Variants in RIMS1 observed in about 807,000 individuals in gnomAD.
The protein encoded by RIMS1 is regulating synaptic membrane exocytosis 1.
In RIMS1, 83 loss-of-function variants were observed where a neutral mutation model predicts 214.1. That is an observed-to-expected ratio of 0.39 (90% confidence interval 0.32 to 0.47). The LOEUF is 0.47. RIMS1 is among the 20% of genes least tolerant of loss of function. RIMS1 has a pLI of 0.99. For missense variants in RIMS1, 2,050 were observed against 2,161.8 expected (o/e 0.95, Z 1.03); for synonymous variants, 793 against 786.8 (o/e 1.01, Z -0.13).
intron 1 of RIMS1, among the ~76,000 whole-genome samples, chr6:71,910,709 T>A (rs1294463072): frequency 6.6e-6 from 1 of 152,128 alleles, no homozygotes; most frequent in South Asian, 2.1e-4. Context: ...TCTGGCAGAG[T>A]GCACACACAG....
At chr6:72,144,486 G>T (rs528418859) in intron 4 of RIMS1, among the ~76,000 whole-genome samples, 1 of 152,256 alleles carries the variant, frequency 6.6e-6, no homozygotes, top group East Asian at 1.9e-4. Context: ...TTATCAAAAT[G>T]AAAGTAGAGG....
intron 4 of RIMS1, chr6:72,126,650 C>A: frequency 8.0e-6 from 2 of 249,636 alleles, no homozygotes; most frequent in Non-Finnish European, 1.6e-5. Context: ...AGAAGATATA[C>A]AAGTGGCAAA....
In RIMS1 at chr6:72,346,091, A is replaced by G. The variant is rs112017706; in HGVS notation, c.4366+12256A>G. Among the ~76,000 whole-genome samples, 924 of 151,900 alleles carry G rather than the reference A, an allele frequency of 6.1e-3. 12 individuals are homozygous for G. The highest frequency in any genetic ancestry group is 0.021 in the African/African-American group (886 of 41,520). On this transcript the variant is annotated intron_variant, in intron 29 of 33. Coordinates refer to ENST00000521978, the MANE Select transcript of RIMS1 (RefSeq NM_014989.7). Reference sequence around the variant, plus strand: ...TTTGACCCTCCATTTTCGCAACTATAATATGGAACCATAAATGGTACCTAC... The same window carrying G: ...TTTGACCCTCCATTTTCGCAACTATGATATGGAACCATAAATGGTACCTAC...
intron 2 of RIMS1, among the ~76,000 whole-genome samples, chr6:71,989,777 A>G (rs1801036431): frequency 1.3e-5 from 2 of 152,212 alleles, no homozygotes; most frequent in Non-Finnish European, 2.9e-5. Flanking sequence ...GGCCCTCCCT[A>G]TCATGGAATA....
intron 3 of RIMS1, among the ~76,000 whole-genome samples, chr6:72,099,125 A>G (rs2032849403): frequency 6.6e-6 from 1 of 152,242 alleles, no homozygotes; most frequent in South Asian, 2.1e-4. Context: ...AAGCACCCAC[A>G]ACTGTTAAAT....
At chr6:72,256,203 T>G (rs1340336901) in intron 16 of RIMS1, among the ~76,000 whole-genome samples, 1 of 152,044 alleles carries the variant, frequency 6.6e-6, no homozygotes, top group Admixed American at 6.6e-5. Flanking sequence ...AAATGTATAT[T>G]TATTTAAGGT....
chr6:72,112,696 C>T (rs1037515686), intron 4 of RIMS1, among the ~76,000 whole-genome samples: 2 of 152,156 alleles, frequency 1.3e-5, no homozygotes, highest in Non-Finnish European at 2.9e-5. Context: ...CAAAGAGGCC[C>T]ACTGTAATTA....
At chr6:72,066,185 T>C (rs1829254124) in intron 2 of RIMS1, among the ~76,000 whole-genome samples, 1 of 152,226 alleles carries the variant, frequency 6.6e-6, no homozygotes, top group African/African-American at 2.4e-5. Context: ...TCTTCTTACA[T>C]ATCTACAGAT....
chr6:71,977,122 C>T (rs957997073), intron 2 of RIMS1, among the ~76,000 whole-genome samples: 6 of 152,124 alleles, frequency 3.9e-5, no homozygotes, highest in Non-Finnish European at 7.4e-5. Context: ...CTGTTACCAC[C>T]TCAGACACAT....
chr6:72,395,077 C>T (rs1193228869), intron 31 of RIMS1, among the ~76,000 whole-genome samples: 1 of 151,816 alleles, frequency 6.6e-6, no homozygotes, highest in East Asian at 1.9e-4. Flanking sequence ...TAATTAGCTA[C>T]AAGAACTATA....
At chr6:72,044,024 T>G (rs1352608214) in intron 2 of RIMS1, among the ~76,000 whole-genome samples, 2 of 151,528 alleles carry the variant, frequency 1.3e-5, no homozygotes, top group Admixed American at 6.6e-5. Context: ...TTATTAAAAA[T>G]TTATTAAAGG....
At chr6:71,922,288 C>T (rs1166849754) in intron 1 of RIMS1, among the ~76,000 whole-genome samples, 1 of 152,104 alleles carries the variant, frequency 6.6e-6, no homozygotes, top group Non-Finnish European at 1.5e-5. Context: ...CAAGAAAAAC[C>T]CAGTACCCAA....
chr6:72,143,415 G>A (rs1400477035), intron 4 of RIMS1, among the ~76,000 whole-genome samples: 1 of 152,120 alleles, frequency 6.6e-6, no homozygotes, highest in Admixed American at 6.6e-5. Flanking sequence ...CATAAAGAGA[G>A]TCCAAAGCAA....
chr6:71,989,252 C>G (rs1800879718), intron 2 of RIMS1, among the ~76,000 whole-genome samples: 2 of 152,162 alleles, frequency 1.3e-5, no homozygotes, highest in African/African-American at 2.4e-5. Context: ...TTCTTTAGTA[C>G]AGTGACTAGC....
chr6:72,067,648 T>A (rs998563217), intron 2 of RIMS1, among the ~76,000 whole-genome samples: 4 of 152,224 alleles, frequency 2.6e-5, no homozygotes, highest in African/African-American at 9.6e-5. Context: ...CCCCTTGAGT[T>A]CATGGTCTTT....
intron 2 of RIMS1, among the ~76,000 whole-genome samples, chr6:72,008,784 T>C (rs1808951986): frequency 6.6e-6 from 1 of 152,280 alleles, no homozygotes; most frequent in South Asian, 2.1e-4. Context: ...CTATCCTAAA[T>C]ATATATGCAT....
chr6:71,947,419 A>T (rs1257945282), intron 1 of RIMS1, among the ~76,000 whole-genome samples: 1 of 152,134 alleles, frequency 6.6e-6, no homozygotes, highest in Non-Finnish European at 1.5e-5. Context: ...CAACCTAAAG[A>T]ACATTATGCT....
chr6:71,896,155 A>G (rs1375730580), intron 1 of RIMS1, among the ~76,000 whole-genome samples: 2 of 152,246 alleles, frequency 1.3e-5, no homozygotes, highest in Non-Finnish European at 2.9e-5. Context: ...AGTAAGATCC[A>G]AAATCCTAAA....
chr6:71,950,520 A>G (rs1789129813), intron 1 of RIMS1, among the ~76,000 whole-genome samples: 1 of 152,196 alleles, frequency 6.6e-6, no homozygotes, highest in Non-Finnish European at 1.5e-5. Context: ...TCACAGTAGT[A>G]GACACTGGAC....
Sources: gnomAD v4.1 joint callset for allele counts (sites outside exome capture counted in the v4.1 genomes callset) on GRCh38, gnomAD v4.1.1 for gene constraint, MANE v1.5 for transcripts, NCBI Gene and HGNC (gene_info 2026-07-23, HGNC 2026-07-21) for gene names.